FNBP1: variants seen among roughly 807,000 people sequenced by gnomAD.
The protein encoded by FNBP1 is formin binding protein 1, also known as formin-binding protein 1.
In FNBP1, 26 loss-of-function variants were observed where a neutral mutation model predicts 90.6. That is an observed-to-expected ratio of 0.29 (90% CI 0.21 to 0.40). The LOEUF (loss-of-function observed/expected upper bound fraction) is 0.40, where lower values mean the gene tolerates loss of function less well. Ranked by LOEUF, FNBP1 falls within the 10% of genes least tolerant of loss-of-function variation. The pLI, the probability that FNBP1 is intolerant of heterozygous loss-of-function variation, is 1.00. For synonymous variants in FNBP1, 260 were observed against 265.2 expected (o/e 0.98, Z 0.19); for missense variants, 635 against 768.0 (o/e 0.83, Z 2.05).
At chr9:129,949,956 C>T (rs1367495121) in intron 6 of FNBP1, among the ~76,000 whole-genome samples, 1 of 152,110 alleles carries the variant, frequency 6.6e-6, no homozygotes, top group African/African-American at 2.4e-5. Flanking sequence ...GCTTACCGTT[C>T]CCAGTGCTGT....
chr9:129,977,601 C>T (rs1162344288), intron 4 of FNBP1, among the ~76,000 whole-genome samples: 1 of 151,604 alleles, frequency 6.6e-6, no homozygotes, highest in Non-Finnish European at 1.5e-5. Flanking sequence ...AAGCAATTCT[C>T]GTGCTTCAGA....
chr9:129,951,739 C>G (rs1388907821), intron 6 of FNBP1, among the ~76,000 whole-genome samples: 1 of 152,096 alleles, frequency 6.6e-6, no homozygotes, highest in East Asian at 2.0e-4. Context: ...GCCACTATAC[C>G]CAGCTTTATA....
intron 1 of FNBP1, among the ~76,000 whole-genome samples, chr9:130,017,165 G>C (rs2131820500): frequency 6.6e-6 from 1 of 152,266 alleles, no homozygotes. Flanking sequence ...ACCATAAGGA[G>C]TTCTTCAAGT....
chr9:129,894,418 A>G (rs1183545014), intron 16 of FNBP1, among the ~76,000 whole-genome samples: 2 of 152,256 alleles, frequency 1.3e-5, no homozygotes, highest in African/African-American at 4.8e-5. Flanking sequence ...TTAATTGTAT[A>G]AAATGAGCCA....
At chr9:129,995,936 T>C (rs770046102) in intron 1 of FNBP1, among the ~76,000 whole-genome samples, 2 of 152,066 alleles carry the variant, frequency 1.3e-5, no homozygotes, top group Non-Finnish European at 2.9e-5. Flanking sequence ...TCCAACAGTC[T>C]AGATGAGACA....
chr9:130,029,436 T>G (rs2058619778), intron 1 of FNBP1, among the ~76,000 whole-genome samples: 1 of 152,168 alleles, frequency 6.6e-6, no homozygotes, highest in Non-Finnish European at 1.5e-5. Context: ...TCAAATGAAT[T>G]AATGAATGAT....
intron 2 of FNBP1, among the ~76,000 whole-genome samples, chr9:129,986,060 C>G (rs1272591702): frequency 6.6e-6 from 1 of 150,572 alleles, no homozygotes; most frequent in Non-Finnish European, 1.5e-5. Context: ...TGCTTGAACC[C>G]GGGAGGCTGA....
At chr9:129,922,748 T>C (rs1299903294) in intron 10 of FNBP1, among the ~76,000 whole-genome samples, 1 of 152,230 alleles carries the variant, frequency 6.6e-6, no homozygotes, top group Non-Finnish European at 1.5e-5. Context: ...ACTCTTCTCC[T>C]TTCGACCCTG....
At position 129,937,517 on chromosome 9, in the gene FNBP1, G is replaced by C. The variant is rs919853886; in HGVS notation, c.514-7822C>G. ...GGAGGCTGAGGCGGGCGGATCATGA[G>C]GCCAGGAGTTCAAGACCAGCCTGGC... On this transcript the variant is annotated intron_variant, in intron 6 of 16. Transcript: ENST00000446176. 3.3e-5 allele frequency among the ~76,000 whole-genome samples: 5 copies of C among 152,064 alleles called. No homozygotes were observed. The East Asian group carries it at 5.8e-4, about 18-fold the overall frequency.
chr9:129,910,010 C>T (rs76629631), intron 11 of FNBP1, among the ~76,000 whole-genome samples: 5 of 152,282 alleles, frequency 3.3e-5, no homozygotes, highest in African/African-American at 9.6e-5. Flanking sequence ...GTCAGAAGAA[C>T]TGCATTTTGA....
At chr9:129,998,990 C>T (rs995370766) in intron 1 of FNBP1, among the ~76,000 whole-genome samples, 4 of 152,224 alleles carry the variant, frequency 2.6e-5, no homozygotes, top group African/African-American at 9.6e-5. Flanking sequence ...TTTTGATGCT[C>T]TGTGAAACCT....
intron 7 of FNBP1, among the ~76,000 whole-genome samples, chr9:129,928,461 C>T (rs2042238552): frequency 6.6e-6 from 1 of 152,086 alleles, no homozygotes; most frequent in Non-Finnish European, 1.5e-5. Flanking sequence ...GAGTTCACGA[C>T]CAGCCTGGCC....
rs188238221 is a variant in FNBP1, at chr9:129,941,159, C to T, written c.514-11464G>A. On this transcript the variant is annotated intron_variant, in intron 6 of 16. Coordinates refer to ENST00000446176, the MANE Select transcript of FNBP1 (RefSeq NM_015033.3). ...ATCCCCGCACTTTGGGAGGCTGAGG[C>T]GGGCAGATCACCTGAGGTCAGGAGT... Among the ~76,000 whole-genome samples, 304 of 151,974 alleles carry T rather than the reference C, an allele frequency of 2.0e-3. 1 individual carries two copies. The highest frequency in any genetic ancestry group is 6.1e-3 in the African/African-American group (254 of 41,500).
the FNBP1 span, chr9:130,053,770 C>T: frequency 1.5e-6 from 1 of 662,544 alleles, no homozygotes; most frequent in Non-Finnish European, 2.6e-6. Flanking sequence ...AGGTGGGCAG[C>T]ACAGGCTCCT....
intron 6 of FNBP1, among the ~76,000 whole-genome samples, chr9:129,947,691 C>T (rs1313769756): frequency 3.3e-5 from 5 of 150,732 alleles, no homozygotes; most frequent in Non-Finnish European, 5.9e-5. Context: ...GGCGTGATCT[C>T]GGCTCACTGC....
chr9:129,977,222 C>T (rs577680382), intron 4 of FNBP1, among the ~76,000 whole-genome samples: 18 of 152,004 alleles, frequency 1.2e-4, no homozygotes, highest in African/African-American at 3.1e-4. Context: ...CAAATTTTTC[C>T]GCACTTCACA....
chr9:130,041,083 C>T lies in FNBP1; in HGVS notation c.24+1869G>A, dbSNP rs111752861. 3.6e-3 allele frequency among the ~76,000 whole-genome samples: 553 copies of T among 151,518 alleles called. 3 individuals are homozygous for T. The highest frequency in any genetic ancestry group is 0.012 in the African/African-American group (484 of 41,286). ...AACTCCTGGGCCCAAAAGATCCTCC[C>T]GACTCAGCCTCCCAAGGTGCTGGCA... On this transcript the variant is annotated intron_variant, in intron 1 of 16. Coordinates refer to ENST00000446176, the MANE Select transcript of FNBP1 (RefSeq NM_015033.3). This position sits in a 1 kb window ranked among gnomAD's most constrained non-coding sequence, Gnocchi z 4.3.
At chr9:129,970,171 C>T (rs1000068609) in intron 4 of FNBP1, among the ~76,000 whole-genome samples, 26 of 151,652 alleles carry the variant, frequency 1.7e-4, no homozygotes, top group Non-Finnish European at 2.8e-4. Context: ...TCCCAAAGTG[C>T]TAGGATTACA....
chr9:129,891,770 A>T (rs918579276), intron 16 of FNBP1, among the ~76,000 whole-genome samples: 17 of 151,950 alleles, frequency 1.1e-4, no homozygotes, highest in African/African-American at 3.9e-4. Flanking sequence ...CAGAATTTTT[A>T]AAAAAGCATT....
Sources: allele counts gnomAD v4.1 joint callset (sites outside exome capture counted in the v4.1 genomes callset), GRCh38; gene constraint gnomAD v4.1.1; non-coding constraint Gnocchi (gnomAD v3.1); transcripts MANE v1.5; gene names NCBI Gene and HGNC (gene_info 2026-07-23, HGNC 2026-07-21).